Variants in PHF20L1 observed in about 807,000 individuals in gnomAD.
The protein encoded by PHF20L1 is PHD finger protein 20 like 1, also known as PHD finger protein 20-like protein 1.
In PHF20L1, 44 loss-of-function variants were observed where a neutral mutation model predicts 125.5. That is an observed-to-expected ratio of 0.35 (90% CI 0.28 to 0.45). The LOEUF (loss-of-function observed/expected upper bound fraction) is 0.45, where lower values mean the gene tolerates loss of function less well. Among genes scored for constraint, PHF20L1 ranks in the 20% least tolerant of loss-of-function variants. The probability of loss-of-function intolerance (pLI) is 1.00; values close to 1 mark genes in which losing one functional copy is unlikely to be tolerated. For synonymous variants in PHF20L1, 380 were observed against 403.1 expected, an observed-to-expected ratio of 0.94 and a Z score of 0.69; for missense variants, 1,012 against 1,217.2, an observed-to-expected ratio of 0.83 and a Z score of 2.51.
intron 14 of PHF20L1, among the ~76,000 whole-genome samples, chr8:132,830,068 G>A (rs754371154): frequency 3.3e-5 from 5 of 151,854 alleles, no homozygotes; most frequent in Non-Finnish European, 5.9e-5. Flanking sequence ...GTCCAAAATG[G>A]GTCTCTCTAG....
intron 19 of PHF20L1, 31 bp from the exon 20 acceptor site, chr8:132,844,125 G>T (rs1191894650): frequency 6.2e-7 from 1 of 1,609,764 alleles, no homozygotes; most frequent in South Asian, 1.1e-5. Flanking sequence ...CCCGTTCTTT[G>T]TGTTTATTTT....
chr8:132,836,336 T>C (rs962092540), intron 15 of PHF20L1: 21 of 473,520 alleles, frequency 4.4e-5, no homozygotes, highest in South Asian at 1.4e-4. Context: ...TACTATAAGA[T>C]ATAAAGCAGT....
At position 132,786,556 on chromosome 8, in the gene PHF20L1, G is replaced by A. The variant is rs144191250; in HGVS notation, c.84-7854G>A. On this transcript the variant is annotated intron_variant, in intron 2 of 20. Coordinates refer to ENST00000395386, the MANE Select transcript of PHF20L1 (RefSeq NM_016018.5). ...TAAGAGCCCCCTATATTGAAACACTGCCATAAATGTAATAGGAACTGAAAC... is the reference window on the plus strand; with the variant it reads ...TAAGAGCCCCCTATATTGAAACACTACCATAAATGTAATAGGAACTGAAAC... Among the ~76,000 whole-genome samples the A allele has an allele frequency of 5.9e-5, 9 of 152,124 alleles. No homozygotes were observed. In the East Asian group the frequency reaches 1.7e-3, roughly 29 times the overall value.
chr8:132,800,229 T>C (rs1832889946), intron 6 of PHF20L1, among the ~76,000 whole-genome samples: 1 of 151,736 alleles, frequency 6.6e-6, no homozygotes, highest in Non-Finnish European at 1.5e-5. Context: ...ATGTTTGTTT[T>C]TAATAAGTAG....
intron 12 of PHF20L1, chr8:132,818,981 A>G (rs907810031): frequency 7.2e-5 from 11 of 151,944 alleles, no homozygotes; most frequent in Non-Finnish European, 1.3e-4. Context: ...GTAATAACTA[A>G]GAGTCTTACA....
At chr8:132,821,139 A>G (rs62514121) in intron 12 of PHF20L1, among the ~76,000 whole-genome samples, 2 of 151,916 alleles carry the variant, frequency 1.3e-5, no homozygotes, top group Non-Finnish European at 2.9e-5. Context: ...GATGAAATGC[A>G]TCAGGCTTTG....
intron 6 of PHF20L1, chr8:132,799,428 G>A: frequency 3.7e-6 from 1 of 271,150 alleles, no homozygotes; most frequent in Non-Finnish European, 6.8e-6. Context: ...AAGAATGGAT[G>A]GTAAGCATTG....
At position 132,832,310 on chromosome 8, in the gene PHF20L1, G is replaced by T. The variant is rs1227994032; in HGVS notation, c.1820G>T (p.Ser607Ile). ...TCTCCACTAACTCGATCTTCTGGGA[G>T]TTCTCTGGCTTCACGAAGCATGTTT... The part of the protein sequence containing the change: ...CSSPLTRSSG[S>I]SLASRSMFTE... Residue 607 changes from serine (S) to isoleucine (I), a missense_variant, in exon 15 of 21, where the codon AGT (serine) becomes ATT (isoleucine). This residue lies in a region of PHF20L1 where 320 missense variants were observed against 293.8 expected (regional missense o/e 1.09). Coordinates refer to ENST00000395386, the MANE Select transcript of PHF20L1 (RefSeq NM_016018.5). 2.1e-5 allele frequency: 34 copies of T among 1,610,002 alleles called. No individual in the cohort carries two copies. The highest frequency in any genetic ancestry group is 2.9e-5 in the Non-Finnish European group (34 of 1,176,618).
chr8:132,792,609 C>G (rs577479205), intron 2 of PHF20L1, among the ~76,000 whole-genome samples: 3 of 152,182 alleles, frequency 2.0e-5, no homozygotes, highest in Non-Finnish European at 2.9e-5. Flanking sequence ...TGCAGACATT[C>G]CCGCCTTTCT....
At chr8:132,821,884 A>G (rs543747580) in intron 12 of PHF20L1, among the ~76,000 whole-genome samples, 99 of 152,002 alleles carry the variant, frequency 6.5e-4, no homozygotes, top group African/African-American at 2.1e-3. Context: ...AAAAATTACT[A>G]TTCTACAAAC....
chr8:132,834,254 C>A (rs1837102339), intron 15 of PHF20L1, among the ~76,000 whole-genome samples: 1 of 152,112 alleles, frequency 6.6e-6, no homozygotes, highest in African/African-American at 2.4e-5. Flanking sequence ...TGCTTGCTAA[C>A]ACCATAAAAC....
intron 19 of PHF20L1, chr8:132,843,161 T>G: frequency 9.3e-7 from 1 of 1,078,592 alleles, no homozygotes; most frequent in Non-Finnish European, 1.1e-6. Context: ...TGAACCACAT[T>G]GTATTCAAAA....
chr8:132,821,099 G>A (rs1835543231), intron 12 of PHF20L1, among the ~76,000 whole-genome samples: 1 of 151,908 alleles, frequency 6.6e-6, no homozygotes, highest in African/African-American at 2.4e-5. Flanking sequence ...ATGTCCATGA[G>A]CAGGTCCCCT....
chr8:132,793,438 C>T (rs2131442979), intron 2 of PHF20L1, among the ~76,000 whole-genome samples: 1 of 152,144 alleles, frequency 6.6e-6, no homozygotes, highest in East Asian at 1.9e-4. Context: ...GTCCATTGTA[C>T]TTTATATTTA....
At position 132,823,900 on chromosome 8, in the gene PHF20L1, A is replaced by G. The variant is rs189529372; in HGVS notation, c.1580-104A>G. 473 of 628,468 alleles carry G rather than the reference A, an allele frequency of 7.5e-4. 9 individuals carry two copies. The South Asian group carries it at 8.8e-3, about 12-fold the overall frequency. The allele number at this position is 628,468 out of a possible 1,614,324, so 38.9% of individuals were successfully genotyped here. Reference sequence around the variant, plus strand: ...TAAAACATGTAGACCGTTAGGAGAAAAAGAGTCTTACATAGAGTTTTATGA... The same window carrying G: ...TAAAACATGTAGACCGTTAGGAGAAGAAGAGTCTTACATAGAGTTTTATGA... On this transcript the variant is annotated intron_variant, in intron 12 of 20. Coordinates refer to ENST00000395386, the MANE Select transcript of PHF20L1 (RefSeq NM_016018.5).
In PHF20L1 at chr8:132,775,463, C is replaced by T. The variant is rs1829567838; in HGVS notation, c.-220C>T. 2 of 381,386 alleles carry T rather than the reference C, an allele frequency of 5.2e-6. No individual in the cohort carries two copies. The highest frequency in any genetic ancestry group is 4.6e-6 in the Non-Finnish European group (1 of 215,874). The allele number at this position is 381,386 out of a possible 1,614,324, so 23.6% of individuals were successfully genotyped here. A position where few individuals can be genotyped will look rare whatever the true frequency, so the allele number is the denominator to read the frequency against. ...CCTGAGCGAGCTTGAGGGCTCGGACCCAGCTCCCTCCCGCGAAACCTTGGG... is the reference window on the plus strand; with the variant it reads ...CCTGAGCGAGCTTGAGGGCTCGGACTCAGCTCCCTCCCGCGAAACCTTGGG... On this transcript the variant is annotated 5_prime_UTR_variant, in exon 1 of 21. Coordinates refer to ENST00000395386, the MANE Select transcript of PHF20L1 (RefSeq NM_016018.5).
In PHF20L1 at chr8:132,844,291, A is replaced by T; in HGVS notation, c.2884A>T (p.Met962Leu). The change falls in exon 20 of 21, where the codon ATG becomes TTG. Residue 962 changes from methionine to leucine, a missense_variant. Met to Leu is a conservative substitution (Grantham distance 15). Transcript: ENST00000395386. ...ENVQNEVTSR[M>L]DLIEKEVDVL... ...TGTGCAGAACGAAGTTACCAGCAGG[A>T]TGGACCTAATAGAAAAAGAAGTCGA... is the stretch of plus-strand genomic sequence containing the variant. The T allele has an allele frequency of 6.2e-7, 1 of 1,611,626 alleles. No individual in the cohort carries two copies. The highest frequency in any genetic ancestry group is 1.1e-5 in the South Asian group (1 of 90,892).
intron 10 of PHF20L1, chr8:132,816,528 C>T: frequency 5.7e-6 from 1 of 176,490 alleles, no homozygotes; most frequent in Middle Eastern, 2.6e-3. Context: ...TATATTTTTC[C>T]TTATCTTTTG....
intron 12 of PHF20L1, 135 bp downstream of exon 12, chr8:132,817,680 T>G (rs1835129407): frequency 3.2e-6 from 2 of 629,998 alleles, no homozygotes; most frequent in African/African-American, 1.8e-5. Context: ...CTTTAACATT[T>G]ATAGGAGAGT....
Sources: allele counts gnomAD v4.1 joint callset (sites outside exome capture counted in the v4.1 genomes callset), GRCh38; gene constraint gnomAD v4.1.1; regional missense constraint gnomAD v4.1.1; transcripts MANE v1.5; gene names NCBI Gene and HGNC (gene_info 2026-07-23, HGNC 2026-07-21).